FBXL17: variants seen among roughly 807,000 people sequenced by gnomAD.
FBXL17 encodes F-box and leucine rich repeat protein 17, also known as F-box/LRR-repeat protein 17.
Under a neutral mutation model 66.2 loss-of-function variants are expected in FBXL17, and 22 were observed. The ratio of observed to expected loss-of-function variants is 0.33; its 90% CI spans 0.24 to 0.47. The LOEUF is 0.47. Among genes scored for constraint, FBXL17 ranks in the 20% least tolerant of loss-of-function variants. The pLI is 1.00. For missense variants in FBXL17, 878 were observed against 948.2 expected (o/e 0.93, Z 0.97); for synonymous variants, 474 against 400.5 (o/e 1.18, Z -2.19).
chr5:107,882,290 T>C (rs759953092), intron 7 of FBXL17, among the ~76,000 whole-genome samples: 1 of 152,186 alleles, frequency 6.6e-6, no homozygotes, highest in Non-Finnish European at 1.5e-5. Flanking sequence ...TGTTAACAAA[T>C]GTTTACTCCT....
chr5:107,864,391 T>C (rs1024079064), intron 8 of FBXL17, among the ~76,000 whole-genome samples: 8 of 152,376 alleles, frequency 5.3e-5, no homozygotes, highest in African/African-American at 1.9e-4. Flanking sequence ...GTTCTCCATG[T>C]ACAAGAAGAA....
At chr5:108,356,359 C>A (rs1489257903) in intron 3 of FBXL17, among the ~76,000 whole-genome samples, 2 of 152,058 alleles carry the variant, frequency 1.3e-5, no homozygotes, top group Non-Finnish European at 2.9e-5. Context: ...AAAAATTATG[C>A]CCATGCAAAA....
At chr5:108,049,037 G>A (rs1360256340) in intron 6 of FBXL17, among the ~76,000 whole-genome samples, 1 of 152,100 alleles carries the variant, frequency 6.6e-6, no homozygotes, top group African/African-American at 2.4e-5. Context: ...AAATGTTAAG[G>A]GCAGCCAGTG....
chr5:108,029,032 A>G (rs17160880), intron 6 of FBXL17, among the ~76,000 whole-genome samples: 1 of 152,134 alleles, frequency 6.6e-6, no homozygotes, highest in Non-Finnish European at 1.5e-5. Context: ...TTCATTCCAA[A>G]TGTTTCCCGT....
At chr5:108,280,669 G>C (rs188688236) in intron 4 of FBXL17, among the ~76,000 whole-genome samples, 1 of 151,342 alleles carries the variant, frequency 6.6e-6, no homozygotes, top group Non-Finnish European at 1.5e-5. Flanking sequence ...ACATATTAGT[G>C]TTTACCTTGA....
chr5:108,292,567 C>A (rs995955280), intron 4 of FBXL17, among the ~76,000 whole-genome samples: 3 of 152,132 alleles, frequency 2.0e-5, no homozygotes, highest in Admixed American at 1.3e-4. Flanking sequence ...TATTTTCCAC[C>A]TGGAAATATT....
rs113201656 is a variant in FBXL17 at position 108,241,414 on chromosome 5, G to A, written c.1507-17186C>T. On this transcript the variant is annotated intron_variant, in intron 4 of 8. Coordinates refer to ENST00000542267, the MANE Select transcript of FBXL17 (RefSeq NM_001163315.3). Reference sequence around the variant, plus strand: ...AGAATTGATCAAGCAGAGAATCAGTGAGCTTGAAGACAGGCTATTTGAAAA... The same window carrying A: ...AGAATTGATCAAGCAGAGAATCAGTAAGCTTGAAGACAGGCTATTTGAAAA... Among the ~76,000 whole-genome samples the A allele has an allele frequency of 5.3e-5, 8 of 152,186 alleles. 1 individual carries two copies. The highest frequency in any genetic ancestry group is 1.4e-4 in the African/African-American group (6 of 41,510).
At chr5:108,174,383 T>C (rs1179066859) in intron 6 of FBXL17, among the ~76,000 whole-genome samples, 5 of 152,196 alleles carry the variant, frequency 3.3e-5, no homozygotes, top group East Asian at 1.9e-4. Flanking sequence ...CTAATCTTAA[T>C]TGCCACCATT....
intron 7 of FBXL17, among the ~76,000 whole-genome samples, chr5:107,982,468 C>T (rs34768879): frequency 0.1 from 15,755 of 151,804 alleles, 912 homozygotes; most frequent in Non-Finnish European, 0.13. Flanking sequence ...ACAAAAAAAA[C>T]CACATAGCAA....
intron 6 of FBXL17, among the ~76,000 whole-genome samples, chr5:108,074,258 C>T (rs558249978): frequency 2.2e-4 from 33 of 151,600 alleles, no homozygotes; most frequent in African/African-American, 5.1e-4. Context: ...ACTTAAAAGC[C>T]AGGGTTATCG....
intron 4 of FBXL17, among the ~76,000 whole-genome samples, chr5:108,305,014 T>C (rs754711766): frequency 9.9e-5 from 15 of 152,078 alleles, no homozygotes; most frequent in Admixed American, 5.9e-4. Flanking sequence ...GGTAAACTTT[T>C]TGAGCTTCTA....
intron 4 of FBXL17, among the ~76,000 whole-genome samples, chr5:108,288,777 A>T (rs75220613): frequency 6.6e-6 from 1 of 151,962 alleles, no homozygotes; most frequent in African/African-American, 2.4e-5. Context: ...AAAAAGTTGA[A>T]AACAGCTGTC....
intron 4 of FBXL17, among the ~76,000 whole-genome samples, chr5:108,272,861 T>C (rs1217968124): frequency 6.6e-6 from 1 of 152,142 alleles, no homozygotes; most frequent in African/African-American, 2.4e-5. Context: ...CTATGCAGAG[T>C]ATGGTATGAA....
intron 6 of FBXL17, among the ~76,000 whole-genome samples, chr5:108,156,630 T>G (rs1220984158): frequency 6.6e-6 from 1 of 152,002 alleles, no homozygotes; most frequent in Non-Finnish European, 1.5e-5. Context: ...AAAGAAATTA[T>G]AAATGTGTTG....
At chr5:107,880,408 C>T (rs991444962) in intron 8 of FBXL17, 23 of 986,984 alleles carry the variant, frequency 2.3e-5, no homozygotes, top group South Asian at 9.3e-5. Flanking sequence ...AAGGGTCCCA[C>T]GTTAAATGCT....
At chr5:107,878,139 AGT>A (rs1356442474) in intron 8 of FBXL17, 1 of 638,148 alleles carries the variant, frequency 1.6e-6, no homozygotes, top group Non-Finnish European at 1.9e-6. Context: ...GTGTGTAGAA[AGT>A]GTAATTACTG....
At chr5:108,361,048 TTAAAATCTTTAG>T (rs1041306639) in intron 3 of FBXL17, among the ~76,000 whole-genome samples, 1 of 152,136 alleles carries the variant, frequency 6.6e-6, no homozygotes, top group African/African-American at 2.4e-5. Flanking sequence ...GATAATGGAT[TTAAAATCTTTAG>T]TAAAATCTTT....
At chr5:108,343,796 C>T (rs1157183811) in intron 4 of FBXL17, among the ~76,000 whole-genome samples, 1 of 152,078 alleles carries the variant, frequency 6.6e-6, no homozygotes, top group Non-Finnish European at 1.5e-5. Context: ...CAGTGGCTAA[C>T]AGGTAAAAAC....
chr5:108,096,319 T>C (rs1210689485), intron 6 of FBXL17, among the ~76,000 whole-genome samples: 2 of 152,164 alleles, frequency 1.3e-5, no homozygotes, highest in Non-Finnish European at 2.9e-5. Flanking sequence ...ATAGTGTTTT[T>C]CAGACATGAG....
Sources: allele counts gnomAD v4.1 joint callset (sites outside exome capture counted in the v4.1 genomes callset), GRCh38; gene constraint gnomAD v4.1.1; transcripts MANE v1.5; gene names NCBI Gene and HGNC (gene_info 2026-07-23, HGNC 2026-07-21).